The following ZSWIM3 variants were observed in gnomAD, a reference collection of about 807,000 sequenced individuals.
ZSWIM3 encodes zinc finger SWIM-type containing 3, also known as zinc finger SWIM domain-containing protein 3.
A neutral mutation model predicts 47.5 loss-of-function variants in ZSWIM3; 27 were observed. That is an observed-to-expected ratio of 0.57 (90% CI 0.42 to 0.78). ZSWIM3 has a LOEUF of 0.78. Among genes scored for constraint, ZSWIM3 ranks in the 30% least tolerant of loss-of-function variants. The probability of loss-of-function intolerance (pLI) is 0.00; values close to 1 mark genes in which losing one functional copy is unlikely to be tolerated. For missense variants in ZSWIM3, 689 were observed against 861.3 expected (o/e 0.80, Z 2.50); for synonymous variants, 333 against 333.9 (o/e 1.00, Z 0.03).
chr20:45,869,321 C>A (rs1160514355), intron 1 of ZSWIM3, among the ~76,000 whole-genome samples: 1 of 151,534 alleles, frequency 6.6e-6, no homozygotes, highest in African/African-American at 2.4e-5. Flanking sequence ...GAGTTCAAAA[C>A]CAGCCTGGCC....
At chr20:45,871,621 A>G (rs1985975114) in intron 1 of ZSWIM3, among the ~76,000 whole-genome samples, 1 of 152,058 alleles carries the variant, frequency 6.6e-6, no homozygotes, top group Non-Finnish European at 1.5e-5. Context: ...TCAAAAGGCT[A>G]CAGAGTCTCT....
Position 45,876,694 on chromosome 20 carries a change from G to A in ZSWIM3, c.156-20G>A. 1 of 1,597,202 alleles carries A rather than the reference G, an allele frequency of 6.3e-7. No individual in the cohort carries two copies. The highest frequency in any genetic ancestry group is 8.5e-7 in the Non-Finnish European group (1 of 1,171,534). On this transcript the variant is annotated intron_variant, in intron 1 of 1. Coordinates refer to ENST00000255152, the MANE Select transcript of ZSWIM3 (RefSeq NM_080752.4). ...GGGGGTGGTCAGCACCTTTCTCATT[G>A]TTACCTCTACCTTCCCTAGGTATGT...
At chr20:45,866,420 A>G (rs1985843917) in intron 1 of ZSWIM3, among the ~76,000 whole-genome samples, 1 of 152,162 alleles carries the variant, frequency 6.6e-6, no homozygotes, top group Non-Finnish European at 1.5e-5. Context: ...GCTCTGGAGT[A>G]AAAAAGACCC....
chr20:45,875,860 CTT>C (rs1020149839), intron 1 of ZSWIM3, among the ~76,000 whole-genome samples: 1 of 151,880 alleles, frequency 6.6e-6, no homozygotes, highest in African/African-American at 2.4e-5. Context: ...GAGATAGACT[CTT>C]GATCTGTTGC....
chr20:45,878,083 C>T lies in ZSWIM3; in HGVS notation c.1525C>T (p.Leu509=). 6.2e-7 allele frequency: 1 copy of T among 1,614,228 alleles called. No individual in the cohort carries two copies. The highest frequency in any genetic ancestry group is 8.5e-7 in the Non-Finnish European group (1 of 1,180,038). The change falls in exon 2 of 2, where the codon CTG becomes TTG. Residue 509 remains leucine, a synonymous_variant. Transcript: ENST00000255152. The part of the protein sequence containing the change: ...HQSGSELAYK[L]CHNEWEVVQN... Reference sequence around the variant, plus strand: ...GAGTGGCTCTGAACTAGCCTACAAGCTGTGCCACAATGAGTGGGAGGTGGT... The same window carrying T: ...GAGTGGCTCTGAACTAGCCTACAAGTTGTGCCACAATGAGTGGGAGGTGGT...
chr20:45,873,039 A>AGGAG (rs1209686541), intron 1 of ZSWIM3, among the ~76,000 whole-genome samples: 3 of 152,130 alleles, frequency 2.0e-5, no homozygotes, highest in African/African-American at 7.2e-5. Context: ...GCACTCCCTG[A>AGGAG]GGAGGGAGGG....
At chr20:45,867,629 A>G (rs1985878449) in intron 1 of ZSWIM3, among the ~76,000 whole-genome samples, 1 of 152,194 alleles carries the variant, frequency 6.6e-6, no homozygotes, top group South Asian at 2.1e-4. Context: ...GCCTTGGAGT[A>G]TATCTAAACT....
In ZSWIM3 at chr20:45,878,605, G is replaced by A; in HGVS notation, c.2047G>A (p.Glu683Lys). The A allele has an allele frequency of 6.2e-7, 1 of 1,612,898 alleles. No individual in the cohort carries two copies. The highest frequency in any genetic ancestry group is 8.5e-7 in the Non-Finnish European group (1 of 1,179,032). Residue 683 changes from glutamate to lysine, a missense_variant, in exon 2 of 2, where the codon GAA (glutamate) becomes AAA (lysine). By Grantham distance (56) the Glu-to-Lys change is moderately conservative. Coordinates refer to ENST00000255152, the MANE Select transcript of ZSWIM3 (RefSeq NM_080752.4). Reference protein sequence around the residue: ...RLPFLWGKQEEGEGFPPATAV... With the variant: ...RLPFLWGKQEKGEGFPPATAV... ...CCCTTTCCTCTGGGGAAAGCAAGAA[G>A]AAGGGGAGGGATTCCCTCCTGCTAC... is the stretch of plus-strand genomic sequence containing the variant.
rs377544841 is a variant in ZSWIM3 at position 45,865,992 on chromosome 20, CAAAAAAAAAAAA to C, written c.155+8017_155+8028del. The stretch of plus-strand genomic sequence containing the variant: ...TGGATGACAGAGTGAGACTCTGTCT[CAAAAAAAAAAAA>C]AAAAGAAAAAGAAAAAAAAAATTCA... On this transcript the variant is annotated intron_variant, in intron 1 of 1. Coordinates refer to ENST00000255152, the MANE Select transcript of ZSWIM3 (RefSeq NM_080752.4). 2.1e-4 allele frequency among the ~76,000 whole-genome samples: 21 copies of C among 98,806 alleles called. No homozygotes were observed. In the South Asian group the frequency reaches 7.5e-3, roughly 35 times the overall value. 64.8% of individuals were successfully genotyped at this position (98,806 alleles called of 152,430 possible).
At position 45,877,777 on chromosome 20, in the gene ZSWIM3, C is replaced by A; in HGVS notation, c.1219C>A (p.Arg407=). The change falls in exon 2 of 2, where the codon CGG becomes AGG. Residue 407 remains arginine (R), a synonymous_variant. Coordinates refer to ENST00000255152, the MANE Select transcript of ZSWIM3 (RefSeq NM_080752.4). ...CACCAGCAAGGTGTCAAGCCTCTTT[C>A]GGGAACAGCAGTCGCTGCTGGACTG... ...IVTSKVSSLF[R]EQQSLLDCIL... 1.9e-6 allele frequency: 3 copies of A among 1,614,140 alleles called. No individual in the cohort carries two copies. The highest frequency in any genetic ancestry group is 2.5e-6 in the Non-Finnish European group (3 of 1,179,996).
chr20:45,879,033 T>A lies in ZSWIM3; in HGVS notation c.*384T>A. ...GGCCTGTTTTCAGGGACAAAGGGAA[T>A]GAGGATGATCTTTGGCTGTTGCTGC... On this transcript the variant is annotated 3_prime_UTR_variant, in exon 2 of 2. Transcript: ENST00000255152. 1 of 179,786 alleles carries A rather than the reference T, an allele frequency of 5.6e-6. No homozygotes were observed. The highest frequency in any genetic ancestry group is 5.8e-5 in the Admixed American group (1 of 17,258). The allele number at this position is 179,786 out of a possible 1,614,324, so 11.1% of individuals were successfully genotyped here. A position where few individuals can be genotyped will look rare whatever the true frequency, so the allele number is the denominator to read the frequency against.
Position 45,878,794 on chromosome 20 carries a change from G to A in ZSWIM3, c.*145G>A, listed in dbSNP as rs556216027. On this transcript the variant is annotated 3_prime_UTR_variant, in exon 2 of 2. Transcript: ENST00000255152. ...AATATTGTTACAGTAGAGAGGAAGG[G>A]AACTCCACTGTGTGACAGTCCTTTC... The A allele has an allele frequency of 3.0e-5, 31 of 1,046,782 alleles. No homozygotes were observed. In the African/African-American group the frequency reaches 3.0e-4, roughly 10 times the overall value. The allele number at this position is 1,046,782 out of a possible 1,614,324, so 64.8% of individuals were successfully genotyped here.
At chr20:45,858,234 T>C (rs535860711) in intron 1 of ZSWIM3, among the ~76,000 whole-genome samples, 152 of 152,330 alleles carry the variant, frequency 1.0e-3, no homozygotes, top group African/African-American at 3.6e-3. Flanking sequence ...GTTTCTCCCA[T>C]TGTTTTGAGC....
rs1174065618 is a variant in ZSWIM3, at chr20:45,872,859, C to T, written c.156-3855C>T. 5.6e-6 allele frequency: 7 copies of T among 1,247,478 alleles called. No individual in the cohort carries two copies. The East Asian group carries it at 3.5e-4, about 63-fold the overall frequency. The allele number at this position is 1,247,478 out of a possible 1,614,324, so 77.3% of individuals were successfully genotyped here. On this transcript the variant is annotated intron_variant, in intron 1 of 1. Coordinates refer to ENST00000255152, the MANE Select transcript of ZSWIM3 (RefSeq NM_080752.4). The stretch of plus-strand genomic sequence containing the variant: ...ACTCTCAGCCCCAAACCCCTCCAGC[C>T]TGTTACTGTGAGACTCACACATCCT...
At chr20:45,868,120 T>A (rs907156564) in intron 1 of ZSWIM3, among the ~76,000 whole-genome samples, 2 of 152,294 alleles carry the variant, frequency 1.3e-5, no homozygotes, top group Non-Finnish European at 2.9e-5. Context: ...ACATTAAGCA[T>A]CAAGGTAATG....
At chr20:45,874,620 A>C (rs535446137) in intron 1 of ZSWIM3, among the ~76,000 whole-genome samples, 1 of 152,366 alleles carries the variant, frequency 6.6e-6, no homozygotes, top group African/African-American at 2.4e-5. Flanking sequence ...GATCTAGTCC[A>C]ATGTCCTGGG....
In ZSWIM3 at chr20:45,875,035, CTTTTT is replaced by C. The variant is rs35356697; in HGVS notation, c.156-1660_156-1656del. 6.2e-3 allele frequency among the ~76,000 whole-genome samples: 558 copies of C among 90,524 alleles called. 2 individuals are homozygous for C. The highest frequency in any genetic ancestry group is 8.8e-3 in the Non-Finnish European group (428 of 48,788). The allele number at this position is 90,524 out of a possible 152,430, so 59.4% of individuals were successfully genotyped here. On this transcript the variant is annotated intron_variant, in intron 1 of 1. Coordinates refer to ENST00000255152, the MANE Select transcript of ZSWIM3 (RefSeq NM_080752.4). ...GATTTGGGGGGGGTTTTAATTTTAA[CTTTTT>C]TTTTTTTTTTTTTTTTTTGACAGAG... is the stretch of plus-strand genomic sequence containing the variant.
chr20:45,877,816 G>C lies in ZSWIM3; in HGVS notation c.1258G>C (p.Val420Leu). The C allele has an allele frequency of 6.2e-7, 1 of 1,614,178 alleles. No individual in the cohort carries two copies. The highest frequency in any genetic ancestry group is 2.2e-5 in the East Asian group (1 of 44,892). ...GCTGCTGGACTGCATCCTCTGCTTT[G>C]TGGATTACATAGACTTCTTTAATAC... ...QSLLDCILCF[V>L]DYIDFFNTKG... Residue 420 changes from valine to leucine, a missense_variant, in exon 2 of 2, where the codon GTG becomes CTG. Transcript: ENST00000255152.
chr20:45,876,663 G>A (rs1986098977), intron 1 of ZSWIM3, 51 bp from the exon 2 acceptor site: 2 of 1,564,590 alleles, frequency 1.3e-6, no homozygotes, highest in East Asian at 2.2e-5. Context: ...ATCTTTATAA[G>A]GGGTGGGGGG....
Sources: gnomAD v4.1 joint callset for allele counts (sites outside exome capture counted in the v4.1 genomes callset) on GRCh38, gnomAD v4.1.1 for gene constraint, MANE v1.5 for transcripts, NCBI Gene and HGNC (gene_info 2026-07-23, HGNC 2026-07-21) for gene names.